The following CLOCK variants were observed in gnomAD, a reference collection of about 807,000 sequenced individuals.
CLOCK encodes the protein clock circadian regulator.
Under a neutral mutation model 118.4 loss-of-function variants are expected in CLOCK, and 43 were observed. That is an observed-to-expected ratio of 0.36 (90% CI 0.28 to 0.47). The LOEUF is 0.47. CLOCK is among the 20% of genes least tolerant of loss of function. CLOCK has a pLI of 1.00. For missense variants in CLOCK, 846 were observed against 999.9 expected, an observed-to-expected ratio of 0.85 and a Z score of 2.08; for synonymous variants, 326 against 339.2, an observed-to-expected ratio of 0.96 and a Z score of 0.43.
chr4:55,463,253 AT>A (rs1468594577), intron 9 of CLOCK, among the ~76,000 whole-genome samples: 1 of 152,076 alleles, frequency 6.6e-6, no homozygotes, highest in Non-Finnish European at 1.5e-5. Context: ...AAAGTAGATA[AT>A]TTATCTTTAT....
intron 1 of CLOCK, among the ~76,000 whole-genome samples, chr4:55,538,658 A>C (rs1731060338): frequency 2.0e-5 from 3 of 152,334 alleles, no homozygotes; most frequent in Admixed American, 2.0e-4. Flanking sequence ...TCCAAAACTA[A>C]AAGGCATCCA....
intron 1 of CLOCK, among the ~76,000 whole-genome samples, chr4:55,527,926 T>C (rs1021970755): frequency 6.6e-6 from 1 of 151,836 alleles, no homozygotes; most frequent in Non-Finnish European, 1.5e-5. Flanking sequence ...ATGCCTATTA[T>C]CTCAGTACTT....
intron 2 of CLOCK, among the ~76,000 whole-genome samples, chr4:55,493,993 G>A (rs767904759): frequency 2.6e-5 from 4 of 152,062 alleles, no homozygotes; most frequent in Non-Finnish European, 5.9e-5. Context: ...CTATTCCAAC[G>A]ATTCAACTAA....
At chr4:55,458,379 C>G (rs1725066790) in intron 11 of CLOCK, among the ~76,000 whole-genome samples, 1 of 152,104 alleles carries the variant, frequency 6.6e-6, no homozygotes, top group Non-Finnish European at 1.5e-5. Flanking sequence ...AATTTTAAAT[C>G]TTAGCCTGGC....
At chr4:55,470,100 G>C (rs1726025849) in intron 8 of CLOCK, among the ~76,000 whole-genome samples, 1 of 152,148 alleles carries the variant, frequency 6.6e-6, no homozygotes, top group South Asian at 2.1e-4. Flanking sequence ...AGTAGCCTAA[G>C]TGTACAGTGT....
At chr4:55,468,215 C>T (rs537981440) in intron 8 of CLOCK, among the ~76,000 whole-genome samples, 1 of 152,212 alleles carries the variant, frequency 6.6e-6, no homozygotes, top group South Asian at 2.1e-4. Context: ...CCACCACAGC[C>T]TCTGAAAGCA....
intron 1 of CLOCK, among the ~76,000 whole-genome samples, chr4:55,532,870 G>C (rs1163317112): frequency 1.3e-5 from 2 of 151,762 alleles, no homozygotes; most frequent in East Asian, 1.9e-4. Flanking sequence ...GGTCGGGTCG[G>C]GGGGGTAGTG....
intron 7 of CLOCK, among the ~76,000 whole-genome samples, chr4:55,472,923 C>A (rs1378163706): frequency 6.6e-6 from 1 of 152,036 alleles, no homozygotes. Flanking sequence ...ATTATTATTT[C>A]ATAATAGGGT....
intron 11 of CLOCK, 122 bp from the exon 12 acceptor site, chr4:55,456,422 G>C (rs1724927064): frequency 3.2e-6 from 2 of 619,200 alleles, no homozygotes; most frequent in Non-Finnish European, 2.8e-6. Context: ...CAGCACTTTG[G>C]GAGGCTGAGG....
At chr4:55,481,654 A>C (rs1190182585) in intron 4 of CLOCK, among the ~76,000 whole-genome samples, 1 of 152,168 alleles carries the variant, frequency 6.6e-6, no homozygotes, top group Non-Finnish European at 1.5e-5. Context: ...AGCTGTCCCC[A>C]GATGTCAAAA....
intron 1 of CLOCK, among the ~76,000 whole-genome samples, chr4:55,530,467 C>A (rs895214782): frequency 3.3e-5 from 5 of 152,152 alleles, no homozygotes; most frequent in Admixed American, 2.0e-4. Flanking sequence ...ACTCTGTATA[C>A]TGGAGTTAAT....
intron 2 of CLOCK, among the ~76,000 whole-genome samples, chr4:55,509,038 C>A (rs556537257): frequency 6.6e-6 from 1 of 152,188 alleles, no homozygotes. Context: ...GCACAGCATG[C>A]AATGGTACTG....
chr4:55,463,502 A>G, intron 9 of CLOCK, among the ~76,000 whole-genome samples, 183 bp downstream of exon 9: 1 of 152,258 alleles, frequency 6.6e-6, no homozygotes, highest in East Asian at 1.9e-4. Flanking sequence ...ACACTGAAAT[A>G]GATTACAGAT....
Position 55,504,013 on chromosome 4 carries a change from A to G in CLOCK, c.-136+5899T>C, listed in dbSNP as rs1391589127. On this transcript the variant is annotated intron_variant, in intron 2 of 22. Transcript: ENST00000513440. ...AAAAAAAAAAAAAAAAGCCGGGCAC[A>G]GTGGCTCACGCCTGTAATCCCAGCA... is the stretch of plus-strand genomic sequence containing the variant. 3.2e-4 allele frequency among the ~76,000 whole-genome samples: 47 copies of G among 146,550 alleles called. 1 individual carries two copies. Among genetic ancestry groups the G allele is most frequent in the Admixed American group, 8.1e-4 (12 of 14,756 alleles).
At position 55,434,076 on chromosome 4, in the gene CLOCK, G is replaced by A. The variant is rs541926570; in HGVS notation, c.*1339C>T. 6.5e-6 allele frequency: 1 copy of A among 152,694 alleles called. No homozygotes were observed. The highest frequency in any genetic ancestry group is 2.4e-5 in the African/African-American group (1 of 41,554). 9.5% of individuals were successfully genotyped at this position (152,694 alleles called of 1,614,324 possible). A position where few individuals can be genotyped will look rare whatever the true frequency, so the allele number is the denominator to read the frequency against. ...CAAGAGACTGATAGCAGTCTTCAGA[G>A]GAACTTATTAGGAGACTAATAATGA... On this transcript the variant is annotated 3_prime_UTR_variant, in exon 23 of 23. Coordinates refer to ENST00000513440, the MANE Select transcript of CLOCK (RefSeq NM_004898.4).
intron 4 of CLOCK, 35 bp from the exon 5 acceptor site, chr4:55,479,734 C>T (rs1451376358): frequency 6.5e-7 from 1 of 1,541,320 alleles, no homozygotes; most frequent in Admixed American, 1.7e-5. Flanking sequence ...TAAGAGCAGA[C>T]TCACTAAGCA....
In CLOCK at chr4:55,444,775, G is replaced by A; in HGVS notation, c.1550C>T (p.Ser517Leu). The change falls in exon 19 of 23, where the codon TCA (serine) becomes TTA (leucine). Residue 517 changes from serine to leucine, a missense_variant. By Grantham distance (145) the Ser-to-Leu change is moderately radical. Transcript: ENST00000513440. ...IPQGMSQFQF[S>L]AQLGAMQHLK... Reference sequence around the variant, plus strand: ...ATGTTGCATGGCTCCTAATTGAGCTGAAAACTGAAACTGAAGTACCATGTA... The same window carrying A: ...ATGTTGCATGGCTCCTAATTGAGCTAAAAACTGAAACTGAAGTACCATGTA... 1 of 1,613,952 alleles carries A rather than the reference G, an allele frequency of 6.2e-7. No individual in the cohort carries two copies. The highest frequency in any genetic ancestry group is 8.5e-7 in the Non-Finnish European group (1 of 1,179,974).
At chr4:55,441,112 C>T (rs562191969) in intron 21 of CLOCK, among the ~76,000 whole-genome samples, 162 of 152,278 alleles carry the variant, frequency 1.1e-3, no homozygotes, top group African/African-American at 3.5e-3. Flanking sequence ...GGGGAAGGAA[C>T]GATGCCATAC....
At chr4:55,540,790 G>A (rs1731222053) in intron 1 of CLOCK, 1 of 152,190 alleles carries the variant, frequency 6.6e-6, no homozygotes, top group South Asian at 2.1e-4. Flanking sequence ...AATCAACCCT[G>A]GGGATCAATG....
Sources: allele counts gnomAD v4.1 joint callset (sites outside exome capture counted in the v4.1 genomes callset), GRCh38; gene constraint gnomAD v4.1.1; transcripts MANE v1.5; gene names NCBI Gene and HGNC (gene_info 2026-07-23, HGNC 2026-07-21).